Variants in CACNA1A observed in about 807,000 individuals in gnomAD.
CACNA1A encodes voltage-dependent P/Q-type calcium channel subunit alpha-1A.
Under a neutral mutation model 262.4 loss-of-function variants are expected in CACNA1A, and 57 were observed. The observed-to-expected ratio is 0.22, with a 90% CI of 0.18 to 0.27. The LOEUF (loss-of-function observed/expected upper bound fraction) is 0.27. Among genes scored for constraint, CACNA1A ranks in the 10% least tolerant of loss-of-function variants. The pLI, the probability that CACNA1A is intolerant of heterozygous loss-of-function variation, is 1.00. For missense variants in CACNA1A, 2,526 were observed against 3,562.8 expected (o/e 0.71, Z 7.41); for synonymous variants, 1,431 against 1,419.3 (o/e 1.01, Z -0.18).
chr19:13,435,190 T>C (rs1391039440), intron 3 of CACNA1A, among the ~76,000 whole-genome samples: 1 of 151,978 alleles, frequency 6.6e-6, no homozygotes, highest in Non-Finnish European at 1.5e-5. Context: ...CTTGGCTCAC[T>C]GCAACCTCTG....
intron 11 of CACNA1A, among the ~76,000 whole-genome samples, chr19:13,313,613 T>G (rs1433446701): frequency 6.6e-6 from 1 of 152,018 alleles, no homozygotes; most frequent in African/African-American, 2.4e-5. Context: ...GGTCTCCATC[T>G]TGTAGTTTTT....
At chr19:13,230,781 T>A (rs536783081) in intron 35 of CACNA1A, among the ~76,000 whole-genome samples, 1 of 148,488 alleles carries the variant, frequency 6.7e-6, no homozygotes, top group Non-Finnish European at 1.5e-5. Flanking sequence ...CACTTTAGCC[T>A]GGGCAACAGA....
intron 1 of CACNA1A, among the ~76,000 whole-genome samples, chr19:13,460,426 C>G (rs974687713): frequency 1.3e-5 from 2 of 152,188 alleles, no homozygotes; most frequent in Admixed American, 1.3e-4. Flanking sequence ...TACCAGCCTT[C>G]TGCTCCCACT....
At position 13,346,639 on chromosome 19, in the gene CACNA1A, TATATATATATATATATA is replaced by T. The variant is rs2058775062; in HGVS notation, c.979-10747_979-10731del. ...GATTATATATATATATATATATATA[TATATATATATATATATA>T]TATATATATATTTTTTTTTTTTTTT... On this transcript the variant is annotated intron_variant, in intron 6 of 46. Transcript: ENST00000360228. 2.5e-3 allele frequency among the ~76,000 whole-genome samples: 22 copies of T among 8,844 alleles called. 3 individuals are homozygous for T. Among genetic ancestry groups the T allele is most frequent in the Non-Finnish European group, 2.9e-3 (13 of 4,462 alleles). 5.8% of individuals were successfully genotyped at this position (8,844 alleles called of 152,430 possible).
At chr19:13,383,316 C>G (rs981176083) in intron 3 of CACNA1A, among the ~76,000 whole-genome samples, 2 of 152,082 alleles carry the variant, frequency 1.3e-5, no homozygotes, top group African/African-American at 4.8e-5. Context: ...AAGGGTGACT[C>G]CAGGGTTTTG....
intron 30 of CACNA1A, among the ~76,000 whole-genome samples, chr19:13,252,018 T>TGCCTCC (rs2144722121): frequency 6.6e-6 from 1 of 152,124 alleles, no homozygotes; most frequent in Admixed American, 6.6e-5. Flanking sequence ...TGCCTGCCTC[T>TGCCTCC]GCCTCCCAAA....
At chr19:13,490,670 AAGAG>A (rs1161769253) in intron 1 of CACNA1A, among the ~76,000 whole-genome samples, 62 of 143,814 alleles carry the variant, frequency 4.3e-4, no homozygotes, top group East Asian at 8.1e-4. Context: ...GAAGGAAAGA[AAGAG>A]AGAGAGAGAG....
In CACNA1A at chr19:13,235,901, C is replaced by T. The variant is rs915702965; in HGVS notation, c.4951-171G>A. 41 of 568,284 alleles carry T rather than the reference C, an allele frequency of 7.2e-5. 1 individual carries two copies. In the African/African-American group the frequency reaches 7.3e-4, roughly 10 times the overall value. The allele number at this position is 568,284 out of a possible 1,614,324, so 35.2% of individuals were successfully genotyped here. ...TTAATGCAATGATGCAGAGGAAAAA[C>T]TCGAAAAAGGAATAATGTTGGGAGA... On this transcript the variant is annotated intron_variant, in intron 31 of 46. Transcript: ENST00000360228.
chr19:13,325,062 TTCC>T (rs368538715), intron 10 of CACNA1A, among the ~76,000 whole-genome samples: 1,488 of 141,662 alleles, frequency 0.011, 13 homozygotes, highest in African/African-American at 0.015. Flanking sequence ...CCCCTTCCCC[TTCC>T]TCCTCCTCTT....
At chr19:13,397,530 G>A (rs1214317210) in intron 3 of CACNA1A, among the ~76,000 whole-genome samples, 1 of 152,226 alleles carries the variant, frequency 6.6e-6, no homozygotes. Flanking sequence ...CCCACGCAGA[G>A]ACTGATGTCT....
intron 1 of CACNA1A, among the ~76,000 whole-genome samples, chr19:13,467,267 A>G (rs899363352): frequency 5.9e-5 from 9 of 151,792 alleles, no homozygotes; most frequent in Admixed American, 3.3e-4. Context: ...AAGCTTTTAA[A>G]AAACCACACA....
intron 6 of CACNA1A, among the ~76,000 whole-genome samples, chr19:13,340,855 G>A (rs1301043931): frequency 3.9e-5 from 6 of 152,182 alleles, no homozygotes; most frequent in African/African-American, 1.4e-4. Context: ...ATGGAATCAA[G>A]TTAAGATCAG....
Position 13,470,611 on chromosome 19 carries a change from T to C in CACNA1A, c.294-15399A>G, listed in dbSNP as rs192073167. On this transcript the variant is annotated intron_variant, in intron 1 of 46. Transcript: ENST00000360228. ...GTATTTTGCCATTCTCTTGTTGCCC[T>C]TTCTCCCTAAAATATCCACTCATTG... 2.6e-5 allele frequency among the ~76,000 whole-genome samples: 4 copies of C among 152,316 alleles called. No homozygotes were observed. In the East Asian group the frequency reaches 7.7e-4, roughly 29 times the overall value.
At chr19:13,487,369 T>C (rs1333821475) in intron 1 of CACNA1A, among the ~76,000 whole-genome samples, 1 of 152,050 alleles carries the variant, frequency 6.6e-6, no homozygotes, top group East Asian at 1.9e-4. Context: ...GAGCTGGGCT[T>C]TCACACAGTC....
chr19:13,505,909 CT>C, intron 1 of CACNA1A, 22 bp downstream of exon 1: 1 of 1,607,490 alleles, frequency 6.2e-7, no homozygotes, highest in South Asian at 1.1e-5. Context: ...GCAGCTGCTG[CT>C]GGGGTTCGGG....
intron 1 of CACNA1A, among the ~76,000 whole-genome samples, chr19:13,484,504 C>A (rs1347468364): frequency 6.6e-6 from 1 of 152,162 alleles, no homozygotes; most frequent in African/African-American, 2.4e-5. Context: ...CTCAAAATTT[C>A]TTTTAATCTG....
At chr19:13,258,682 T>C (rs2056638455) in intron 27 of CACNA1A, 1 of 152,012 alleles carries the variant, frequency 6.6e-6, no homozygotes, top group Non-Finnish European at 1.5e-5. Context: ...GGTTGGCATA[T>C]TTGCTGAGAG....
intron 24 of CACNA1A, chr19:13,271,798 CT>C (rs1568481987): frequency 6.8e-6 from 1 of 146,768 alleles, no homozygotes; most frequent in African/African-American, 2.5e-5. Flanking sequence ...GAGTCTTGCT[CT>C]GTTGCCCAGG....
At chr19:13,235,831 A>G (rs1221628979) in intron 31 of CACNA1A, 101 bp from the exon 32 acceptor site, 3 of 736,536 alleles carry the variant, frequency 4.1e-6, no homozygotes, top group Non-Finnish European at 7.0e-6. Flanking sequence ...CCAACAGGAA[A>G]AAAGCAAGCC....
Sources: allele counts gnomAD v4.1 joint callset (sites outside exome capture counted in the v4.1 genomes callset), GRCh38; gene constraint gnomAD v4.1.1; transcripts MANE v1.5; gene names NCBI Gene and HGNC (gene_info 2026-07-23, HGNC 2026-07-21).